MGAM: variants seen among roughly 807,000 people sequenced by gnomAD.
The protein encoded by MGAM is alpha-1,4-glucosidase.
A neutral mutation model predicts 358.8 loss-of-function variants in MGAM; 253 were observed. The observed-to-expected ratio is 0.71, with a 90% CI of 0.64 to 0.78. MGAM has a LOEUF of 0.78. Among genes scored for constraint, MGAM ranks in the 30% least tolerant of loss-of-function variants. The pLI, the probability that MGAM is intolerant of heterozygous loss-of-function variation, is 0.00. For synonymous variants in MGAM, 1,105 were observed against 1,227.1 expected (o/e 0.90, Z 2.08); for missense variants, 3,080 against 3,432.6 (o/e 0.90, Z 2.57).
intron 3 of MGAM, among the ~76,000 whole-genome samples, chr7:142,017,711 C>T (rs187889661): frequency 3.5e-4 from 53 of 152,212 alleles, no homozygotes; most frequent in Admixed American, 2.7e-3. Flanking sequence ...CCTGATCTTA[C>T]GGCAGTATAA....
chr7:141,988,740 A>C (rs571843553), intron 2 of MGAM, among the ~76,000 whole-genome samples: 3 of 152,190 alleles, frequency 2.0e-5, no homozygotes, highest in Non-Finnish European at 2.9e-5. Flanking sequence ...TTGTGTGTGC[A>C]TGTGTTCTTA....
chr7:142,041,912 T>TA (rs1462852353), intron 21 of MGAM, among the ~76,000 whole-genome samples: 1 of 31,472 alleles, frequency 3.2e-5, no homozygotes, highest in African/African-American at 2.2e-4. Context: ...ATATTATATA[T>TA]ATACGTATAA....
At chr7:142,039,809 T>A (rs2129010882) in intron 19 of MGAM, among the ~76,000 whole-genome samples, 1 of 152,256 alleles carries the variant, frequency 6.6e-6, no homozygotes, top group East Asian at 1.9e-4. Context: ...CTAAAAATAA[T>A]GGTACCCACC....
chr7:142,012,459 G>A (rs903693272), intron 3 of MGAM, among the ~76,000 whole-genome samples: 1 of 152,056 alleles, frequency 6.6e-6, no homozygotes, highest in Admixed American at 6.6e-5. Context: ...AGGCCCCACT[G>A]TTAATACTAA....
Position 142,025,115 on chromosome 7 carries a change from C to G in MGAM, c.948C>G (p.Ser316=). The part of the protein sequence containing the change: ...FLCLEDASGL[S]FGVFLMNSNA... ...GCCTTGAAGATGCTAGTGGATTGTC[C>G]TTTGGGGTGTTTCTGATGAACAGCA... The change falls in exon 8 of 71, where the codon TCC becomes TCG. Residue 316 remains serine (S), a synonymous_variant. Coordinates refer to ENST00000475668, the MANE Select transcript of MGAM (RefSeq NM_001365693.1). 1 of 1,613,112 alleles carries G rather than the reference C, an allele frequency of 6.2e-7. No homozygotes were observed. Among genetic ancestry groups the G allele is most frequent in the Non-Finnish European group, 8.5e-7 (1 of 1,179,202 alleles).
Position 142,036,175 on chromosome 7 carries a change from C to T in MGAM, c.1966C>T (p.Pro656Ser), listed in dbSNP as rs1402922599. The T allele has an allele frequency of 1.9e-6, 3 of 1,609,312 alleles. No individual in the cohort carries two copies. Among genetic ancestry groups the T allele is most frequent in the African/African-American group, 1.3e-5 (1 of 74,924 alleles). Residue 656 changes from proline (P) to serine (S), a missense_variant, in exon 17 of 71, where the codon CCT (proline) becomes TCT (serine). By Grantham distance (74) the Pro-to-Ser change is moderately conservative (BLOSUM62 -1). Around this residue, in one of 5 missense-constraint regions of MGAM, gnomAD observed 1,816 missense variants for 1,840.5 expected, o/e 0.99. Transcript: ENST00000475668. ...TGTCTGTGTGTCCTTCCAGGTGGGT[C>T]CTGACATATGTGGCTTTGCTTTGGA... ...FNLFGIPMVG[P>S]DICGFALDTP...
At chr7:142,013,149 A>T (rs1453238245) in intron 3 of MGAM, among the ~76,000 whole-genome samples, 1 of 152,042 alleles carries the variant, frequency 6.6e-6, no homozygotes, top group Non-Finnish European at 1.5e-5. Context: ...GAGTAGCATA[A>T]AGGCTGCTGT....
chr7:142,058,348 T>A lies in MGAM; in HGVS notation c.3819+20T>A. On this transcript the variant is annotated intron_variant, in intron 31 of 70. Coordinates refer to ENST00000475668, the MANE Select transcript of MGAM (RefSeq NM_001365693.1). ...CCTTATGTACGTTCTCAGTCATGGC[T>A]CTGGAGTTTCAAAACTAACCCAGGT... 6.2e-7 allele frequency: 1 copy of A among 1,613,312 alleles called. No individual in the cohort carries two copies. The highest frequency in any genetic ancestry group is 8.5e-7 in the Non-Finnish European group (1 of 1,179,576).
intron 26 of MGAM, 81 bp from the exon 27 acceptor site, chr7:142,054,673 T>C: frequency 1.4e-6 from 2 of 1,445,092 alleles, no homozygotes; most frequent in Admixed American, 4.4e-5. Flanking sequence ...GAACTTTGTG[T>C]CCAAAAATCA....
intron 68 of MGAM, among the ~76,000 whole-genome samples, chr7:142,101,142 G>A (rs371492430): frequency 6.6e-6 from 1 of 152,096 alleles, no homozygotes; most frequent in East Asian, 1.9e-4. Context: ...GGGAGCCATG[G>A]GGAAAGTTTA....
In MGAM at chr7:142,067,423, C is replaced by T. The variant is rs767732128; in HGVS notation, c.5002C>T (p.Arg1668Cys). Residue 1668 changes from arginine (R) to cysteine (C), a missense_variant and splice_region_variant, in exon 42 of 71, where the codon CGC becomes TGC. By Grantham distance (180) the Arg-to-Cys change is radical. This residue lies in a region of MGAM where 932 missense variants were observed against 1,198.2 expected (regional missense o/e 0.78). Coordinates refer to ENST00000475668, the MANE Select transcript of MGAM (RefSeq NM_001365693.1). ...CTTCCTGGTCAGCCCTGTCCTGGAG[C>T]GCGTGAGTATGGAGGCCTCCGATGA... ...PAFLVSPVLE[R>C]NARNVTAYFP... 2.5e-5 allele frequency: 39 copies of T among 1,551,064 alleles called. 8 individuals carry two copies. Among genetic ancestry groups the T allele is most frequent in the East Asian group, 4.6e-5 (2 of 43,846 alleles).
intron 47 of MGAM, among the ~76,000 whole-genome samples, chr7:142,077,725 G>A (rs1487207881): frequency 1.4e-5 from 2 of 145,144 alleles, no homozygotes; most frequent in African/African-American, 4.9e-5. Context: ...TTCATTGTAT[G>A]CCTGAATCAA....
At chr7:142,040,931 G>C in intron 21 of MGAM, 85 bp downstream of exon 21, 1 of 1,477,682 alleles carries the variant, frequency 6.8e-7, no homozygotes, top group Non-Finnish European at 9.1e-7. Flanking sequence ...CTAACAGCCA[G>C]GTGGTCAGCC....
Position 142,000,062 on chromosome 7 carries a change from A to G in MGAM, c.-3+4132A>G, listed in dbSNP as rs75768604. ...AAATATGCTAATGATATTTTATTAA[A>G]AAGTCATATTTACCTATGCATATTG... On this transcript the variant is annotated intron_variant, in intron 1 of 70. Coordinates refer to ENST00000475668, the MANE Select transcript of MGAM (RefSeq NM_001365693.1). Among the ~76,000 whole-genome samples, 1,250 of 152,362 alleles carry G rather than the reference A, an allele frequency of 8.2e-3. 39 individuals carry two copies. In the East Asian group the frequency reaches 0.1, roughly 13 times the overall value.
At chr7:142,012,892 G>A (rs571514570) in intron 3 of MGAM, among the ~76,000 whole-genome samples, 37 of 152,226 alleles carry the variant, frequency 2.4e-4, no homozygotes, top group African/African-American at 8.4e-4. Context: ...CTCCAGCAGG[G>A]TAGCTGAACT....
At position 142,056,092 on chromosome 7, in the gene MGAM, C is replaced by G. The variant is rs1171132681; in HGVS notation, c.3576C>G (p.Ala1192=). The change falls in exon 29 of 71, where the codon GCC becomes GCG. Residue 1192 remains alanine, a synonymous_variant. Transcript: ENST00000475668. The stretch of plus-strand genomic sequence containing the variant: ...GAGTGCTCCTGCTGAACAGCAATGC[C>G]ATGGGTAAGGCCATCAGCACCTCCC... ...AHGVLLLNSN[A]MDVTFQPLPA... is the part of the protein sequence containing the mutation. 4 of 1,604,032 alleles carry G rather than the reference C, an allele frequency of 2.5e-6. No individual in the cohort carries two copies. The highest frequency in any genetic ancestry group is 1.7e-4 in the Middle Eastern group (1 of 6,050).
At chr7:142,088,361 A>G (rs578251614) in intron 57 of MGAM, among the ~76,000 whole-genome samples, 38 of 146,224 alleles carry the variant, frequency 2.6e-4, no homozygotes, top group African/African-American at 9.0e-4. Flanking sequence ...AGTCAGACTC[A>G]GTTCAAGGCT....
At chr7:142,096,515 G>C in intron 65 of MGAM, 100 bp downstream of exon 65, 1 of 1,388,370 alleles carries the variant, frequency 7.2e-7, no homozygotes, top group South Asian at 1.2e-5. Flanking sequence ...CCTAAGACAT[G>C]GTTTCTTATT....
rs1270596244 is a variant in MGAM at position 142,088,839 on chromosome 7, A to ATCTG, written c.6810+2125_6810+2126insGTCT. Reference sequence around the variant, plus strand: ...CTATGTACCATCTATCTATCTATCTATCTATCTATCTATCTATCTATCTAT... The same window carrying ATCTG: ...CTATGTACCATCTATCTATCTATCTATCTGTCTATCTATCTATCTATCTATCTAT... On this transcript the variant is annotated intron_variant, in intron 57 of 70. Coordinates refer to ENST00000475668, the MANE Select transcript of MGAM (RefSeq NM_001365693.1). Among the ~76,000 whole-genome samples, 7 of 139,208 alleles carry ATCTG rather than the reference A, an allele frequency of 5.0e-5. 2 individuals carry two copies. 91.3% of individuals were successfully genotyped at this position (139,208 alleles called of 152,430 possible).
Sources: gnomAD v4.1 joint callset for allele counts (sites outside exome capture counted in the v4.1 genomes callset) on GRCh38, gnomAD v4.1.1 for gene constraint, gnomAD v4.1.1 regional missense constraint, MANE v1.5 for transcripts, NCBI Gene and HGNC (gene_info 2026-07-23, HGNC 2026-07-21) for gene names.